Variants in TRHDE observed in about 807,000 individuals in gnomAD.
The protein encoded by TRHDE is thyrotropin releasing hormone degrading enzyme.
In TRHDE, 72 loss-of-function variants were observed where a neutral mutation model predicts 125.7. The observed-to-expected ratio is 0.57, with a 90% confidence interval of 0.47 to 0.70. The LOEUF (loss-of-function observed/expected upper bound fraction) is 0.70. TRHDE is among the 30% of genes least tolerant of loss of function. The pLI is 0.00. For synonymous variants in TRHDE, 509 were observed against 509.1 expected (o/e 1.00, Z 0.00); for missense variants, 1,110 against 1,327.1 (o/e 0.84, Z 2.54).
intron 3 of TRHDE, among the ~76,000 whole-genome samples, chr12:72,402,931 C>G (rs1173651604): frequency 6.6e-6 from 1 of 152,158 alleles, no homozygotes. Flanking sequence ...ATGACTACTT[C>G]CTCACGAATC....
At chr12:72,507,400 A>T (rs1235692126) in intron 6 of TRHDE, among the ~76,000 whole-genome samples, 1 of 152,176 alleles carries the variant, frequency 6.6e-6, no homozygotes, top group Non-Finnish European at 1.5e-5. Flanking sequence ...CAAAATGCTG[A>T]TATTGATATG....
At chr12:72,425,473 A>G (rs1284336119) in intron 3 of TRHDE, among the ~76,000 whole-genome samples, 1 of 152,072 alleles carries the variant, frequency 6.6e-6, no homozygotes, top group Non-Finnish European at 1.5e-5. Context: ...GGCTCTATTT[A>G]GCTTAACAGT....
At chr12:72,530,672 A>C (rs539045264) in intron 6 of TRHDE, among the ~76,000 whole-genome samples, 44 of 150,662 alleles carry the variant, frequency 2.9e-4, no homozygotes, top group African/African-American at 1.1e-3. Flanking sequence ...TCTGCCTGGA[A>C]TGTTCTTCCT....
chr12:72,486,949 G>A (rs1269226010), intron 5 of TRHDE, among the ~76,000 whole-genome samples: 1 of 152,002 alleles, frequency 6.6e-6, no homozygotes. Context: ...AGTTAAACAA[G>A]AAGAGATAGA....
At chr12:72,164,135 C>T (rs1421090717) in intron 2 of TRHDE, among the ~76,000 whole-genome samples, 2 of 152,032 alleles carry the variant, frequency 1.3e-5, no homozygotes, top group Non-Finnish European at 2.9e-5. Context: ...AACAAAACAA[C>T]AACAACAAAC....
chr12:72,413,922 G>A (rs538409822), intron 3 of TRHDE, among the ~76,000 whole-genome samples: 21 of 152,120 alleles, frequency 1.4e-4, no homozygotes, highest in South Asian at 8.3e-4. Flanking sequence ...TGTGATATTA[G>A]ATCACTAAGC....
In TRHDE at chr12:72,119,479, T is replaced by C. The variant is rs572193933; in HGVS notation, n.279+13727T>C. ...ACATATGGTCTATCTTTGAGAATTA[T>C]CCATGTGCTGAGGAGAAGAATGTAT... On this transcript the variant is annotated intron_variant and non_coding_transcript_variant, in intron 2 of 4. Coordinates refer to the TRHDE transcript ENST00000548156. Among the ~76,000 whole-genome samples the C allele has an allele frequency of 2.1e-3, 315 of 152,342 alleles. 3 individuals carry two copies. Among genetic ancestry groups the C allele is most frequent in the African/African-American group, 7.3e-3 (305 of 41,580 alleles).
intron 2 of TRHDE, among the ~76,000 whole-genome samples, chr12:72,129,410 C>T (rs571948080): frequency 6.6e-6 from 1 of 152,302 alleles, no homozygotes; most frequent in Non-Finnish European, 1.5e-5. Context: ...TATCCATTCT[C>T]ATAGTGATGA....
intron 2 of TRHDE, among the ~76,000 whole-genome samples, chr12:72,360,688 A>G (rs940740579): frequency 3.3e-5 from 5 of 151,840 alleles, no homozygotes; most frequent in African/African-American, 1.2e-4. Context: ...TGAGTAAAAA[A>G]TATAAAATGA....
chr12:72,606,009 T>C (rs1872426614), intron 12 of TRHDE, among the ~76,000 whole-genome samples: 1 of 152,200 alleles, frequency 6.6e-6, no homozygotes, highest in Admixed American at 6.5e-5. Flanking sequence ...AGACAGATGA[T>C]AGGATATTTC....
intron 2 of TRHDE, among the ~76,000 whole-genome samples, chr12:72,158,194 A>AT (rs1399791540): frequency 1.3e-5 from 2 of 152,098 alleles, no homozygotes; most frequent in Non-Finnish European, 2.9e-5. Flanking sequence ...TAGGCAATGA[A>AT]TTTTTTTATT....
chr12:72,599,110 T>G (rs185020243), intron 12 of TRHDE, among the ~76,000 whole-genome samples: 36 of 152,202 alleles, frequency 2.4e-4, no homozygotes, highest in African/African-American at 8.7e-4. Context: ...TGTACTATAT[T>G]TTTATCTAAC....
intron 7 of TRHDE, among the ~76,000 whole-genome samples, chr12:72,556,155 G>C (rs1032232408): frequency 6.6e-6 from 1 of 152,114 alleles, no homozygotes; most frequent in African/African-American, 2.4e-5. Context: ...ATAGAATTTA[G>C]TGTTCTTTAG....
At chr12:72,363,322 A>AAG (rs139579298) in intron 2 of TRHDE, among the ~76,000 whole-genome samples, 144,419 of 151,524 alleles carry the variant, frequency 0.95, 69,271 homozygotes, top group East Asian at 1. Context: ...ACAACCAAAA[A>AAG]AGAATTTTAG....
At chr12:72,413,396 GGATTTCTAA>G (rs1303788286) in intron 3 of TRHDE, among the ~76,000 whole-genome samples, 1 of 151,148 alleles carries the variant, frequency 6.6e-6, no homozygotes, top group Non-Finnish European at 1.5e-5. Flanking sequence ...ATGTGTATCT[GGATTTCTAA>G]GATTCAGTAT....
intron 1 of TRHDE, among the ~76,000 whole-genome samples, chr12:72,091,105 C>G (rs1874779906): frequency 6.6e-6 from 1 of 152,064 alleles, no homozygotes; most frequent in Admixed American, 6.5e-5. Context: ...AACTCCTGGG[C>G]TCAAGTGATC....
intron 2 of TRHDE, among the ~76,000 whole-genome samples, chr12:72,239,838 T>C (rs1387157458): frequency 6.6e-6 from 1 of 152,186 alleles, no homozygotes; most frequent in Non-Finnish European, 1.5e-5. Context: ...GGACACAGCA[T>C]CCATTACCTA....
At chr12:72,455,419 G>A (rs1333023722) in intron 3 of TRHDE, among the ~76,000 whole-genome samples, 1 of 152,102 alleles carries the variant, frequency 6.6e-6, no homozygotes, top group East Asian at 1.9e-4. Context: ...CAAGGCTGAA[G>A]ATTTTGAAAG....
rs189123610 is a variant in TRHDE, at chr12:72,389,779, T to C, written c.1315+11658T>C. Among the ~76,000 whole-genome samples the C allele has an allele frequency of 4.6e-5, 7 of 152,306 alleles. No individual in the cohort carries two copies. In the East Asian group the frequency reaches 1.4e-3, roughly 29 times the overall value. On this transcript the variant is annotated intron_variant, in intron 3 of 18. Transcript: ENST00000261180. ...GTGCATTTTGGGGGATACAATTCAG[T>C]ACATAGCAGGCAAGGTCTGGTGTGA...
Sources: allele counts gnomAD v4.1 joint callset (sites outside exome capture counted in the v4.1 genomes callset), GRCh38; gene constraint gnomAD v4.1.1; transcripts MANE v1.5; gene names NCBI Gene and HGNC (gene_info 2026-07-23, HGNC 2026-07-21).